Variants in EXD1 observed in about 807,000 individuals in gnomAD.
EXD1 encodes the protein exonuclease 3'-5' domain containing 1.
Under a neutral mutation model 49.1 loss-of-function variants are expected in EXD1, and 63 were observed. The observed-to-expected ratio is 1.28, with a 90% CI of 1.05 to 1.58. EXD1 has a LOEUF of 1.58. Among genes scored for constraint, EXD1 ranks in the 40% most tolerant of loss-of-function variants. EXD1 has a pLI of 0.00. For missense variants in EXD1, 748 were observed against 666.0 expected (o/e 1.12, Z -1.36); for synonymous variants, 234 against 239.2 (o/e 0.98, Z 0.20).
chr15:41,213,603 C>T (rs79056522), intron 6 of EXD1, among the ~76,000 whole-genome samples: 15,568 of 151,768 alleles, frequency 0.1, 1,106 homozygotes, highest in East Asian at 0.2. Context: ...GTACCCTCCA[C>T]CTCCTCCCAC....
At position 41,226,549 on chromosome 15, in the gene EXD1, G is replaced by T; in HGVS notation, c.27C>A (p.Phe9Leu). The T allele has an allele frequency of 1.3e-6, 2 of 1,536,064 alleles. No homozygotes were observed. The highest frequency in any genetic ancestry group is 1.7e-6 in the Non-Finnish European group (2 of 1,146,882). The change falls in exon 2 of 12, where the codon TTC becomes TTA. Residue 9 changes from phenylalanine (F) to leucine (L), a missense_variant. Coordinates refer to ENST00000458580, the MANE Select transcript of EXD1 (RefSeq NM_001286441.2). MDPSSDYH[F>L]LSQILWKRVK... ...CCCTCTTCCACAAAATCTGGCTGAG[G>T]AAATGGTAGTCACTGCTGGGGTCCA...
intron 1 of EXD1, among the ~76,000 whole-genome samples, chr15:41,228,250 T>C (rs1595464747): frequency 2.6e-5 from 4 of 152,190 alleles, no homozygotes; most frequent in African/African-American, 9.6e-5. Context: ...CCAGTGAATT[T>C]TGCAATTTAA....
At chr15:41,203,916 CAAAAAAAAAA>C (rs1187093511) in intron 7 of EXD1, among the ~76,000 whole-genome samples, 6 of 23,246 alleles carry the variant, frequency 2.6e-4, no homozygotes, top group African/African-American at 5.5e-4. Context: ...GACTTCTCCT[CAAAAAAAAAA>C]AAAAAAAAAA....
At chr15:41,220,010 A>AC in intron 2 of EXD1, 112 bp from the exon 3 acceptor site, 3 of 751,130 alleles carry the variant, frequency 4.0e-6, no homozygotes, top group Non-Finnish European at 6.3e-6. Flanking sequence ...AAAAAAAAAA[A>AC]CTCCAAAAAA....
chr15:41,229,472 C>CA (rs907821306), intron 1 of EXD1, among the ~76,000 whole-genome samples: 12 of 151,184 alleles, frequency 7.9e-5, no homozygotes, highest in African/African-American at 2.7e-4. Flanking sequence ...GACTCTGTCG[C>CA]AAAAAAACAA....
At chr15:41,230,191 C>T (rs1041593196) in intron 1 of EXD1, among the ~76,000 whole-genome samples, 5 of 148,382 alleles carry the variant, frequency 3.4e-5, no homozygotes, top group Non-Finnish European at 5.9e-5. Context: ...TCAAGCGATT[C>T]TCCTGCCTCA....
At chr15:41,209,894 A>G (rs974358808) in intron 6 of EXD1, among the ~76,000 whole-genome samples, 5 of 152,136 alleles carry the variant, frequency 3.3e-5, no homozygotes, top group African/African-American at 9.7e-5. Context: ...GCTACAGAGA[A>G]AGAATCATAA....
intron 11 of EXD1, among the ~76,000 whole-genome samples, chr15:41,187,462 T>TG (rs1241107783): frequency 1.3e-5 from 2 of 152,160 alleles, no homozygotes; most frequent in Non-Finnish European, 2.9e-5. Flanking sequence ...TTGGTATCCA[T>TG]GGGGGGATGT....
Position 41,191,428 on chromosome 15 carries a change from T to A in EXD1, c.864+14A>T, listed in dbSNP as rs760005212. The stretch of plus-strand genomic sequence containing the variant: ...AAAAAAAATAATGTCATACAGGACA[T>A]CCTTTACACCCACCTGAATTAGTTT... On this transcript the variant is annotated intron_variant, in intron 10 of 11. Coordinates refer to ENST00000458580, the MANE Select transcript of EXD1 (RefSeq NM_001286441.2). 1 of 1,448,300 alleles carries A rather than the reference T, an allele frequency of 6.9e-7. No homozygotes were observed. The highest frequency in any genetic ancestry group is 9.1e-7 in the Non-Finnish European group (1 of 1,095,528). 89.7% of individuals were successfully genotyped at this position (1,448,300 alleles called of 1,614,324 possible).
chr15:41,215,452 C>T lies in EXD1; in HGVS notation c.447+323G>A, dbSNP rs538031009. ...CTGTAATCCCAGCACTTTGGGAGGC[C>T]GAGGCGGGTGGATCACGAGGTCAGG... is the stretch of plus-strand genomic sequence containing the variant. On this transcript the variant is annotated intron_variant, in intron 6 of 11. Transcript: ENST00000458580. Among the ~76,000 whole-genome samples, 97 of 151,914 alleles carry T rather than the reference C, an allele frequency of 6.4e-4. 1 individual carries two copies. In the South Asian group the frequency reaches 0.019, roughly 30 times the overall value.
At chr15:41,201,933 G>T (rs1035098910) in intron 7 of EXD1, among the ~76,000 whole-genome samples, 1 of 151,922 alleles carries the variant, frequency 6.6e-6, no homozygotes, top group Non-Finnish European at 1.5e-5. Context: ...TGGGAGGATC[G>T]CTTAAGGCCA....
rs2046599633 is a variant in EXD1, at chr15:41,195,761, T to A, written c.720+14A>T. ...GTATATACTGGTTTGAATCCAGTGC[T>A]TCCCTTCATGTACCTGTGTGTCAAA... On this transcript the variant is annotated intron_variant, in intron 9 of 11. Transcript: ENST00000458580. The A allele has an allele frequency of 6.2e-7, 1 of 1,607,814 alleles. No individual in the cohort carries two copies. The highest frequency in any genetic ancestry group is 1.1e-5 in the South Asian group (1 of 90,012).
Position 41,191,485 on chromosome 15 carries a change from G to A in EXD1, c.821C>T (p.Pro274Leu), listed in dbSNP as rs2046515149. ...CTTTTCTAGAAAGGAGAGATATTTA[G>A]GGGCTACTTGAAGGTGTTTGATTAA... ...ESLIKHLQVA[P>L]KYLSFLEKRQ... The change falls in exon 10 of 12, where the codon CCT (proline) becomes CTT (leucine). Residue 274 changes from proline (P) to leucine (L), a missense_variant. Physicochemically the swap from Pro to Leu is moderately conservative, Grantham distance 98. Coordinates refer to ENST00000458580, the MANE Select transcript of EXD1 (RefSeq NM_001286441.2). The A allele has an allele frequency of 2.5e-6, 4 of 1,612,618 alleles. No individual in the cohort carries two copies. The highest frequency in any genetic ancestry group is 2.5e-6 in the Non-Finnish European group (3 of 1,178,946).
At chr15:41,203,574 G>C (rs1005806950) in intron 7 of EXD1, among the ~76,000 whole-genome samples, 1 of 152,028 alleles carries the variant, frequency 6.6e-6, no homozygotes, top group African/African-American at 2.4e-5. Flanking sequence ...CATTCTCCCT[G>C]AAGGCGATCA....
intron 4 of EXD1, 75 bp from the exon 5 acceptor site, chr15:41,216,870 T>A: frequency 1.9e-6 from 3 of 1,586,394 alleles, no homozygotes; most frequent in Non-Finnish European, 2.6e-6. Flanking sequence ...TTGCCACACA[T>A]TAACGTTAAG....
chr15:41,226,569 G>C lies in EXD1; in HGVS notation c.7C>G (p.Pro3Ala), dbSNP rs1272752467. The C allele has an allele frequency of 6.5e-7, 1 of 1,535,152 alleles. No individual in the cohort carries two copies. Among genetic ancestry groups the C allele is most frequent in the African/African-American group, 1.4e-5 (1 of 72,974 alleles). ...CTGAGGAAATGGTAGTCACTGCTGG[G>C]GTCCATGCTAATTGATTCCAAAAGC... MD[P>A]SSDYHFLSQI... Residue 3 changes from proline (P) to alanine (A), a missense_variant, in exon 2 of 12, where the codon CCC (proline) becomes GCC (alanine). Transcript: ENST00000458580.
intron 11 of EXD1, among the ~76,000 whole-genome samples, chr15:41,189,711 A>T (rs1426594458): frequency 6.6e-6 from 1 of 150,812 alleles, no homozygotes; most frequent in Non-Finnish European, 1.5e-5. Flanking sequence ...AAAATATGGA[A>T]ATATTAAACT....
chr15:41,194,792 G>A (rs692390), intron 9 of EXD1, among the ~76,000 whole-genome samples: 19,645 of 152,042 alleles, frequency 0.13, 1,747 homozygotes, highest in Middle Eastern at 0.22. Context: ...ATGGCCTCAA[G>A]GAAACAAACA....
At chr15:41,219,988 A>T in intron 2 of EXD1, 90 bp from the exon 3 acceptor site, 8 of 905,342 alleles carry the variant, frequency 8.8e-6, no homozygotes, top group East Asian at 2.9e-5. Flanking sequence ...CCCAAGTCTG[A>T]GTTGTATTTA....
Sources: gnomAD v4.1 joint callset for allele counts (sites outside exome capture counted in the v4.1 genomes callset) on GRCh38, gnomAD v4.1.1 for gene constraint, MANE v1.5 for transcripts, NCBI Gene and HGNC (gene_info 2026-07-23, HGNC 2026-07-21) for gene names.